EBF1: variants seen among roughly 807,000 people sequenced by gnomAD.
EBF1 encodes the protein transcription factor COE1.
A neutral mutation model predicts 68.4 loss-of-function variants in EBF1; 10 were observed. That is an observed-to-expected ratio of 0.15 (90% CI 0.09 to 0.25). EBF1 has a LOEUF of 0.25. EBF1 is among the 10% of genes least tolerant of loss of function. The pLI is 1.00. For synonymous variants in EBF1, 298 were observed against 299.8 expected (o/e 0.99, Z 0.06); for missense variants, 509 against 794.4 (o/e 0.64, Z 4.32).
At chr5:158,852,196 G>A (rs1793080862) in intron 6 of EBF1, among the ~76,000 whole-genome samples, 1 of 151,556 alleles carries the variant, frequency 6.6e-6, no homozygotes, top group South Asian at 2.1e-4. Flanking sequence ...ATAGACAAAA[G>A]GGATCAGCTG....
chr5:159,092,097 C>T (rs980818097), intron 4 of EBF1, among the ~76,000 whole-genome samples: 3 of 152,088 alleles, frequency 2.0e-5, no homozygotes, highest in Non-Finnish European at 4.4e-5. Context: ...ATTTCAAATA[C>T]TACATGAAAA....
rs181813203 is a variant in EBF1, at chr5:159,058,626, G to A, written c.554+14770C>T. On this transcript the variant is annotated intron_variant, in intron 6 of 15. Coordinates refer to ENST00000313708, the MANE Select transcript of EBF1 (RefSeq NM_024007.5). ...GTTCCAATAGACCTGAGATCTTTCC[G>A]GAAACCCAAAGGAACTGCCTCATTT... 6.6e-5 allele frequency among the ~76,000 whole-genome samples: 10 copies of A among 152,226 alleles called. No individual in the cohort carries two copies. In the East Asian group the frequency reaches 1.5e-3, roughly 23 times the overall value.
chr5:159,062,648 G>A (rs1431463551), intron 6 of EBF1, among the ~76,000 whole-genome samples: 1 of 152,164 alleles, frequency 6.6e-6, no homozygotes, highest in Non-Finnish European at 1.5e-5. Flanking sequence ...CTGATTTCGC[G>A]TTTGACATAA....
At chr5:159,079,222 C>T (rs573972848) in intron 5 of EBF1, among the ~76,000 whole-genome samples, 90 of 152,258 alleles carry the variant, frequency 5.9e-4, no homozygotes, top group Middle Eastern at 3.4e-3. Flanking sequence ...CTCACAGGTC[C>T]GTCTCATTCT....
intron 8 of EBF1, among the ~76,000 whole-genome samples, chr5:158,802,826 C>T (rs1780856822): frequency 6.6e-6 from 1 of 152,138 alleles, no homozygotes; most frequent in Admixed American, 6.6e-5. Context: ...CTTTACTATG[C>T]ACCACATAGT....
intron 15 of EBF1, among the ~76,000 whole-genome samples, chr5:158,700,520 A>G (rs1756505411): frequency 6.6e-6 from 1 of 151,968 alleles, no homozygotes; most frequent in African/African-American, 2.4e-5. Flanking sequence ...TTAAAAAAAA[A>G]AAAAAAAGCG....
At chr5:158,878,047 T>C (rs535283602) in intron 6 of EBF1, among the ~76,000 whole-genome samples, 1 of 151,850 alleles carries the variant, frequency 6.6e-6, no homozygotes. Context: ...AACTTGTCAC[T>C]GCTCACGGGA....
At chr5:159,046,483 G>C (rs1260662925) in intron 6 of EBF1, among the ~76,000 whole-genome samples, 1 of 152,196 alleles carries the variant, frequency 6.6e-6, no homozygotes, top group Admixed American at 6.5e-5. Flanking sequence ...GTGGAGTGGT[G>C]GAAGGGAAGA....
intron 6 of EBF1, among the ~76,000 whole-genome samples, chr5:158,897,014 A>AG (rs139641653): frequency 0.06 from 9,131 of 152,246 alleles, 321 homozygotes; most frequent in Non-Finnish European, 0.071. Flanking sequence ...AGGCATTTTG[A>AG]CAGCCAGTTC....
At chr5:158,827,064 G>A (rs1398126274) in intron 7 of EBF1, among the ~76,000 whole-genome samples, 1 of 152,142 alleles carries the variant, frequency 6.6e-6, no homozygotes, top group Non-Finnish European at 1.5e-5. Flanking sequence ...AGGTAACTGT[G>A]AGGCTTAAAT....
intron 15 of EBF1, among the ~76,000 whole-genome samples, chr5:158,703,294 A>G (rs1757150373): frequency 1.3e-5 from 2 of 152,250 alleles, no homozygotes; most frequent in South Asian, 2.1e-4. Context: ...CACCTGCATA[A>G]GAATAGAAAG....
At chr5:159,071,656 C>A (rs1454961213) in intron 6 of EBF1, among the ~76,000 whole-genome samples, 1 of 151,922 alleles carries the variant, frequency 6.6e-6, no homozygotes, top group East Asian at 1.9e-4. Context: ...GTTATTCAAA[C>A]CACAGTCATA....
intron 6 of EBF1, among the ~76,000 whole-genome samples, chr5:158,912,611 C>T (rs898652980): frequency 2.0e-5 from 3 of 152,088 alleles, no homozygotes; most frequent in South Asian, 4.1e-4. Context: ...GCGATTCTGA[C>T]GAACAGGAGA....
chr5:158,923,593 G>A (rs897874971), intron 6 of EBF1, among the ~76,000 whole-genome samples: 3 of 152,110 alleles, frequency 2.0e-5, no homozygotes, highest in African/African-American at 7.2e-5. Flanking sequence ...GCTGGGTGGC[G>A]GGAGGTGGGA....
At chr5:158,794,105 T>G (rs1421150223) in intron 9 of EBF1, among the ~76,000 whole-genome samples, 1 of 152,118 alleles carries the variant, frequency 6.6e-6, no homozygotes. Context: ...GGGTCATAGT[T>G]GATTTATGAC....
At chr5:158,924,852 CAAAAAAA>C (rs34744460) in intron 6 of EBF1, among the ~76,000 whole-genome samples, 54 of 50,894 alleles carry the variant, frequency 1.1e-3, no homozygotes, top group African/African-American at 3.3e-3. Flanking sequence ...GACTCTGTCT[CAAAAAAA>C]AAAAAAAAAA....
intron 6 of EBF1, among the ~76,000 whole-genome samples, chr5:159,051,331 G>C (rs1166074488): frequency 6.7e-6 from 1 of 148,846 alleles, no homozygotes; most frequent in African/African-American, 2.5e-5. Flanking sequence ...CTCCCACCCT[G>C]TCCCCTCTCT....
chr5:159,082,757 G>A (rs1413610569), intron 5 of EBF1, among the ~76,000 whole-genome samples: 1 of 152,206 alleles, frequency 6.6e-6, no homozygotes, highest in East Asian at 1.9e-4. Context: ...CCCGTAATCT[G>A]TAACATTAGC....
intron 6 of EBF1, among the ~76,000 whole-genome samples, chr5:159,026,936 TGAAGA>T (rs900434465): frequency 1.3e-5 from 2 of 152,000 alleles, no homozygotes; most frequent in African/African-American, 2.4e-5. Context: ...AACTGAAAAA[TGAAGA>T]GAAGAGGAGA....
Sources: allele counts gnomAD v4.1 joint callset (sites outside exome capture counted in the v4.1 genomes callset), GRCh38; gene constraint gnomAD v4.1.1; transcripts MANE v1.5; gene names NCBI Gene and HGNC (gene_info 2026-07-23, HGNC 2026-07-21).